The following DYSF variants were observed in gnomAD, a reference collection of about 807,000 sequenced individuals.
DYSF encodes dysferlin.
DYSF carries 212 observed loss-of-function variants against 274.9 expected under a neutral mutation model. The observed-to-expected ratio is 0.77, with a 90% CI of 0.69 to 0.86. The LOEUF is 0.86. DYSF is among the 40% of genes least tolerant of loss of function. The pLI is 0.00. For synonymous variants in DYSF, 1,091 were observed against 1,078.7 expected (o/e 1.01, Z -0.22); for missense variants, 2,666 against 2,783.2 (o/e 0.96, Z 0.95).
intron 41 of DYSF, among the ~76,000 whole-genome samples, chr2:71,633,256 G>A (rs189409809): frequency 1.3e-3 from 203 of 152,246 alleles, no homozygotes; most frequent in Non-Finnish European, 1.8e-3. Flanking sequence ...TTTTGAAGTC[G>A]GAGTATTTGC....
At chr2:71,553,677 C>A in intron 20 of DYSF, 130 bp from the exon 21 acceptor site, 1 of 1,187,424 alleles carries the variant, frequency 8.4e-7, no homozygotes, top group Non-Finnish European at 1.2e-6. Flanking sequence ...TGTCTCTGTC[C>A]CACGTGTGGT....
chr2:71,587,642 C>G (rs535459998), intron 30 of DYSF, among the ~76,000 whole-genome samples: 23 of 152,336 alleles, frequency 1.5e-4, no homozygotes, highest in African/African-American at 5.5e-4. Flanking sequence ...AAAATAGATA[C>G]TGTATAATTA....
At chr2:71,596,987 A>C (rs1299890172) in intron 32 of DYSF, among the ~76,000 whole-genome samples, 2 of 151,750 alleles carry the variant, frequency 1.3e-5, no homozygotes, top group Non-Finnish European at 2.9e-5. Flanking sequence ...GCCCACCCCA[A>C]CCTTCCCACC....
chr2:71,659,148 C>A, intron 44 of DYSF, 115 bp downstream of exon 44: 1 of 1,401,636 alleles, frequency 7.1e-7, no homozygotes, highest in Non-Finnish European at 1.0e-6. Flanking sequence ...GGGAAACAGA[C>A]AAACACACAA....
intron 17 of DYSF, 30 bp downstream of exon 17, chr2:71,539,269 C>A (rs747855255): frequency 6.3e-7 from 1 of 1,595,138 alleles, no homozygotes. Flanking sequence ...TGCCCTTTGA[C>A]CCCCTGTGCT....
chr2:71,636,277 G>A (rs551962451), intron 41 of DYSF, among the ~76,000 whole-genome samples: 2 of 152,300 alleles, frequency 1.3e-5, no homozygotes, highest in South Asian at 2.1e-4. Flanking sequence ...TGGCTGTTGG[G>A]TTGAGCACGG....
chr2:71,660,332 G>A (rs1260696342), intron 44 of DYSF, among the ~76,000 whole-genome samples: 1 of 152,202 alleles, frequency 6.6e-6, no homozygotes, highest in African/African-American at 2.4e-5. Flanking sequence ...GAGTGTGAAG[G>A]ACTCAGGTGC....
chr2:71,579,415 G>A (rs1029941828), intron 30 of DYSF, among the ~76,000 whole-genome samples: 4 of 152,196 alleles, frequency 2.6e-5, no homozygotes, highest in South Asian at 2.1e-4. Context: ...TTCTAAAGGC[G>A]TGCCTGATCT....
intron 42 of DYSF, among the ~76,000 whole-genome samples, chr2:71,647,468 C>T (rs1005966240): frequency 1.4e-4 from 21 of 152,314 alleles, no homozygotes; most frequent in African/African-American, 5.1e-4. Context: ...TTTATTGGGA[C>T]TTCCAGTATG....
At chr2:71,647,898 C>T (rs925236846) in intron 42 of DYSF, among the ~76,000 whole-genome samples, 3 of 152,084 alleles carry the variant, frequency 2.0e-5, no homozygotes, top group African/African-American at 7.3e-5. Context: ...TGTTTACAAC[C>T]GTGGATACGG....
chr2:71,466,970 G>T, intron 1 of DYSF, 37 bp downstream of exon 1: 3 of 1,540,348 alleles, frequency 1.9e-6, no homozygotes, highest in Non-Finnish European at 1.8e-6. Flanking sequence ...ATGCTCGGGT[G>T]CTACCCGACT....
At chr2:71,579,251 C>T (rs760908144) in intron 30 of DYSF, among the ~76,000 whole-genome samples, 1 of 152,110 alleles carries the variant, frequency 6.6e-6, no homozygotes, top group Non-Finnish European at 1.5e-5. Context: ...CCTCCATGAT[C>T]GAGGATTTTT....
upstream of DYSF, among the ~76,000 whole-genome samples, chr2:71,465,782 T>C (rs548560075): frequency 3.9e-5 from 6 of 152,114 alleles, no homozygotes; most frequent in South Asian, 2.1e-4. Context: ...TGCTGGGGGA[T>C]AGAAGTGCGA....
chr2:71,645,921 G>T (rs2094561410), intron 42 of DYSF, among the ~76,000 whole-genome samples: 1 of 152,184 alleles, frequency 6.6e-6, no homozygotes, highest in Admixed American at 6.5e-5. Context: ...CCCTTTGGAG[G>T]GGACTGGATG....
At chr2:71,612,842 G>T (rs1180401556) in intron 39 of DYSF, 36 bp downstream of exon 39, 2 of 1,593,184 alleles carry the variant, frequency 1.3e-6, no homozygotes, top group East Asian at 2.3e-5. Context: ...GGTCAGGGAA[G>T]GGGGAGCCTC....
intron 3 of DYSF, among the ~76,000 whole-genome samples, chr2:71,483,659 C>T (rs990655481): frequency 2.6e-5 from 4 of 152,054 alleles, no homozygotes; most frequent in Admixed American, 1.3e-4. Flanking sequence ...AGTGTCTGGC[C>T]GCATGCTGTC....
In DYSF at chr2:71,603,823, G is replaced by C. The variant is rs201201209; in HGVS notation, c.3957+1018G>C. Among the ~76,000 whole-genome samples, 32 of 152,264 alleles carry C rather than the reference G, an allele frequency of 2.1e-4. No homozygotes were observed. In the East Asian group the frequency reaches 2.5e-3, roughly 12 times the overall value. ...GTGGCCAAAACCCACAGCCTGCTCT[G>C]AAGAAGACCCAGCCCAGGGATGAGT... On this transcript the variant is annotated intron_variant, in intron 36 of 55. Transcript: ENST00000410020.
In DYSF at chr2:71,668,794, T is replaced by C. The variant is rs148382335; in HGVS notation, c.5498T>C (p.Leu1833Pro). The C allele has an allele frequency of 5.6e-6, 9 of 1,613,800 alleles. No individual in the cohort carries two copies. The African/African-American group carries it at 1.2e-4, about 22-fold the overall frequency. The change falls in exon 49 of 56, where the codon CTG becomes CCG. Residue 1833 changes from leucine (L) to proline (P), a missense_variant. By Grantham distance (98) the Leu-to-Pro change is moderately conservative. This residue lies in a region of DYSF where 1,460 missense variants were observed against 1,502.1 expected (regional missense o/e 0.97). Coordinates refer to ENST00000410020, the MANE Select transcript of DYSF (RefSeq NM_001130987.2). The part of the protein sequence containing the change: ...QMWVDLFPKA[L>P]GRPGPPFNIT... ...TGGGTCGACCTATTTCCGAAGGCCC[T>C]GGGGCGGCCTGGACCTCCCTTCAAC...
intron 52 of DYSF, among the ~76,000 whole-genome samples, chr2:71,674,662 A>T (rs567611313): frequency 1.3e-5 from 2 of 152,334 alleles, no homozygotes; most frequent in Admixed American, 6.5e-5. Flanking sequence ...GAGGGTCTCA[A>T]GTCAGTCTTC....
Sources: allele counts gnomAD v4.1 joint callset (sites outside exome capture counted in the v4.1 genomes callset), GRCh38; gene constraint gnomAD v4.1.1; regional missense constraint gnomAD v4.1.1; transcripts MANE v1.5; gene names NCBI Gene and HGNC (gene_info 2026-07-23, HGNC 2026-07-21).